The following NAV2 variants were observed in gnomAD, a reference collection of about 807,000 sequenced individuals.
The protein encoded by NAV2 is neuron navigator 2, also known as helicase, APC down-regulated 1.
In NAV2, 54 loss-of-function variants were observed where a neutral mutation model predicts 223.2. The ratio of observed to expected loss-of-function variants is 0.24; its 90% CI spans 0.19 to 0.30. The LOEUF is 0.30. NAV2 is among the 10% of genes least tolerant of loss of function. The pLI is 1.00. For missense variants in NAV2, 2,806 were observed against 3,147.5 expected (o/e 0.89, Z 2.60); for synonymous variants, 1,279 against 1,239.3 (o/e 1.03, Z -0.67).
chr11:19,995,828 A>AT (rs887859019), intron 11 of NAV2, among the ~76,000 whole-genome samples: 9 of 151,936 alleles, frequency 5.9e-5, no homozygotes, highest in South Asian at 2.1e-4. Flanking sequence ...AATTGTTTTT[A>AT]TTTTTTTTGG....
intron 9 of NAV2, among the ~76,000 whole-genome samples, chr11:19,948,125 C>T (rs540703067): frequency 2.0e-5 from 3 of 151,548 alleles, no homozygotes; most frequent in Non-Finnish European, 2.9e-5. Flanking sequence ...CACTCTCTGT[C>T]GGCAGGCTGG....
intron 1 of NAV2, among the ~76,000 whole-genome samples, chr11:19,380,077 T>A (rs1379538095): frequency 6.6e-6 from 1 of 152,192 alleles, no homozygotes; most frequent in Non-Finnish European, 1.5e-5. Flanking sequence ...AACACATCCC[T>A]TTTACCTAAT....
intron 1 of NAV2, among the ~76,000 whole-genome samples, chr11:19,480,383 T>G (rs950705364): frequency 6.6e-6 from 1 of 152,138 alleles, no homozygotes; most frequent in Non-Finnish European, 1.5e-5. Context: ...ATGTAGCTTG[T>G]GTGGCTGACC....
In NAV2 at chr11:19,899,011, C is replaced by T. The variant is rs367918411; in HGVS notation, c.931+6417C>T. Reference sequence around the variant, plus strand: ...ACTTTCTACTCTCAAGATACTTCTCCAGACTCAGTTTCCCCTCTGTGAGTC... The same window carrying T: ...ACTTTCTACTCTCAAGATACTTCTCTAGACTCAGTTTCCCCTCTGTGAGTC... On this transcript the variant is annotated intron_variant, in intron 6 of 37. Coordinates refer to ENST00000349880, the MANE Select transcript of NAV2 (RefSeq NM_145117.5). Among the ~76,000 whole-genome samples, 9 of 152,290 alleles carry T rather than the reference C, an allele frequency of 5.9e-5. No individual in the cohort carries two copies. The East Asian group carries it at 1.4e-3, about 23-fold the overall frequency.
chr11:19,618,736 A>T (rs906658485), intron 1 of NAV2, among the ~76,000 whole-genome samples: 21 of 151,886 alleles, frequency 1.4e-4, no homozygotes, highest in African/African-American at 5.1e-4. Flanking sequence ...CTCTGAGGGG[A>T]GATATATGGG....
At chr11:19,629,532 C>G (rs1309363413) in intron 1 of NAV2, among the ~76,000 whole-genome samples, 1 of 138,846 alleles carries the variant, frequency 7.2e-6, no homozygotes, top group East Asian at 2.0e-4. Context: ...CTTTTTTTCT[C>G]TCTCTCTCTG....
intron 1 of NAV2, among the ~76,000 whole-genome samples, chr11:19,352,266 A>G (rs1853371692): frequency 6.6e-6 from 1 of 152,214 alleles, no homozygotes; most frequent in East Asian, 1.9e-4. Flanking sequence ...GAGAGATAGG[A>G]GAAAAATCAA....
At chr11:19,991,340 G>A (rs1235137967) in intron 11 of NAV2, among the ~76,000 whole-genome samples, 4 of 151,930 alleles carry the variant, frequency 2.6e-5, no homozygotes, top group Non-Finnish European at 5.9e-5. Flanking sequence ...GCCCAGGCTG[G>A]TCTCAAAATC....
At chr11:19,494,968 T>A (rs2042747771) in intron 1 of NAV2, among the ~76,000 whole-genome samples, 1 of 152,154 alleles carries the variant, frequency 6.6e-6, no homozygotes, top group Non-Finnish European at 1.5e-5. Flanking sequence ...CTGACCTCTG[T>A]CCTCAGAGGA....
intron 1 of NAV2, among the ~76,000 whole-genome samples, chr11:19,800,910 A>G (rs2058214170): frequency 6.6e-6 from 1 of 152,196 alleles, no homozygotes; most frequent in South Asian, 2.1e-4. Flanking sequence ...ACAAGGCATG[A>G]GGCCAAATGA....
intron 1 of NAV2, among the ~76,000 whole-genome samples, chr11:19,469,459 A>T (rs1466677541): frequency 6.6e-6 from 1 of 152,138 alleles, no homozygotes; most frequent in Non-Finnish European, 1.5e-5. Context: ...CCATTCCTAG[A>T]GCCCATTTCC....
At position 19,880,130 on chromosome 11, in the gene NAV2, G is replaced by C. The variant is rs751088577; in HGVS notation, c.770+3G>C. 1 of 1,570,378 alleles carries C rather than the reference G, an allele frequency of 6.4e-7. No homozygotes were observed. The highest frequency in any genetic ancestry group is 1.8e-5 in the Admixed American group (1 of 54,710). On this transcript the variant is annotated splice_donor_region_variant and intron_variant, in intron 5 of 37. Coordinates refer to ENST00000349880, the MANE Select transcript of NAV2 (RefSeq NM_145117.5). ...GCACAAGCTGAAATGCAGTCCAGGTGGGGGCTCCTTGCCAACTGATGGTTC... is the reference window on the plus strand; with the variant it reads ...GCACAAGCTGAAATGCAGTCCAGGTCGGGGCTCCTTGCCAACTGATGGTTC...
At chr11:19,428,667 T>G (rs1013251575) in intron 1 of NAV2, among the ~76,000 whole-genome samples, 3 of 152,240 alleles carry the variant, frequency 2.0e-5, no homozygotes, top group South Asian at 2.1e-4. Flanking sequence ...TGTTTTGCTC[T>G]CTTTGGGGAA....
intron 1 of NAV2, among the ~76,000 whole-genome samples, chr11:19,699,494 G>A (rs956256734): frequency 2.0e-5 from 3 of 152,172 alleles, no homozygotes; most frequent in Admixed American, 6.5e-5. Flanking sequence ...CCAGTATGAA[G>A]AGGTGGTCAC....
chr11:20,004,053 G>A (rs961431870), intron 11 of NAV2, among the ~76,000 whole-genome samples: 1 of 152,138 alleles, frequency 6.6e-6, no homozygotes, highest in Non-Finnish European at 1.5e-5. Flanking sequence ...CTCTTAACTT[G>A]CTGGTGAACT....
rs1459566950 is a variant in NAV2 at position 19,830,252 on chromosome 11, GAT to G, written c.268-2230_268-2229del. 1.3e-4 allele frequency among the ~76,000 whole-genome samples: 20 copies of G among 152,096 alleles called. 1 individual carries two copies. The highest frequency in any genetic ancestry group is 1.3e-3 in the Admixed American group (20 of 15,268). ...GAAAAAATAAATAAAAATAAAATAA[GAT>G]AAATTCTTTCACTGAGAACATAATA... is the stretch of plus-strand genomic sequence containing the variant. On this transcript the variant is annotated intron_variant, in intron 1 of 37. Coordinates refer to ENST00000349880, the MANE Select transcript of NAV2 (RefSeq NM_145117.5).
chr11:19,901,993 C>G (rs1278840453), intron 6 of NAV2, among the ~76,000 whole-genome samples: 1 of 152,136 alleles, frequency 6.6e-6, no homozygotes. Flanking sequence ...GTTGGCTCAC[C>G]TTGCCCTAGC....
At chr11:19,980,278 A>T (rs1264668581) in intron 10 of NAV2, among the ~76,000 whole-genome samples, 1 of 152,090 alleles carries the variant, frequency 6.6e-6, no homozygotes, top group Non-Finnish European at 1.5e-5. Flanking sequence ...TCATGGCAGA[A>T]CTCGGGAGGG....
chr11:19,825,884 A>G (rs1232073156), intron 1 of NAV2, among the ~76,000 whole-genome samples: 1 of 152,250 alleles, frequency 6.6e-6, no homozygotes, highest in Non-Finnish European at 1.5e-5. Flanking sequence ...GTCAGGGGTA[A>G]TAAAGTGAAT....
Sources: gnomAD v4.1 joint callset for allele counts (sites outside exome capture counted in the v4.1 genomes callset) on GRCh38, gnomAD v4.1.1 for gene constraint, MANE v1.5 for transcripts, NCBI Gene and HGNC (gene_info 2026-07-23, HGNC 2026-07-21) for gene names.